LRRC7: variants seen among roughly 807,000 people sequenced by gnomAD.
The protein encoded by LRRC7 is leucine-rich repeat-containing protein 7.
LRRC7 carries 23 observed loss-of-function variants against 175.7 expected under a neutral mutation model. The ratio of observed to expected loss-of-function variants is 0.13; its 90% CI spans 0.09 to 0.19. The LOEUF (loss-of-function observed/expected upper bound fraction) is 0.19. Ranked by LOEUF, LRRC7 falls within the 10% of genes least tolerant of loss-of-function variation. The probability of loss-of-function intolerance (pLI) is 1.00; values close to 1 mark genes in which losing one functional copy is unlikely to be tolerated. For synonymous variants in LRRC7, 685 were observed against 680.9 expected (o/e 1.01, Z -0.09); for missense variants, 1,354 against 1,904.7 (o/e 0.71, Z 5.38).
chr1:69,796,724 G>T (rs1312712449), intron 4 of LRRC7, among the ~76,000 whole-genome samples: 1 of 151,992 alleles, frequency 6.6e-6, no homozygotes, highest in Non-Finnish European at 1.5e-5. Flanking sequence ...AACCTAGGAG[G>T]CGGAGGTTGC....
intron 7 of LRRC7, among the ~76,000 whole-genome samples, chr1:69,891,725 T>C (rs12029686): frequency 0.56 from 84,294 of 151,802 alleles, 23,460 homozygotes; most frequent in East Asian, 0.7. Context: ...GAGTAAGACT[T>C]TGTCTCAAAA....
At chr1:69,935,958 A>G (rs1376862574) in intron 8 of LRRC7, among the ~76,000 whole-genome samples, 1 of 152,090 alleles carries the variant, frequency 6.6e-6, no homozygotes, top group African/African-American at 2.4e-5. Flanking sequence ...TTTCATAATC[A>G]AATTCATTTC....
intron 1 of LRRC7, among the ~76,000 whole-genome samples, chr1:69,597,576 T>C (rs4650296): frequency 0.19 from 28,710 of 152,064 alleles, 3,004 homozygotes; most frequent in East Asian, 0.38. Flanking sequence ...CAGATGGAAT[T>C]TGAATCCTGG....
chr1:69,649,617 A>C (rs749393011), intron 1 of LRRC7, among the ~76,000 whole-genome samples: 6 of 152,302 alleles, frequency 3.9e-5, no homozygotes, highest in Middle Eastern at 6.8e-3. Flanking sequence ...CCCTCTAGGA[A>C]AGATGTCAAC....
At chr1:69,914,425 T>A (rs1646626696) in intron 7 of LRRC7, among the ~76,000 whole-genome samples, 1 of 152,178 alleles carries the variant, frequency 6.6e-6, no homozygotes, top group African/African-American at 2.4e-5. Context: ...AGCTTTGCAA[T>A]CGGATAAATG....
chr1:69,795,341 C>T (rs368748077), intron 4 of LRRC7, among the ~76,000 whole-genome samples: 19 of 150,356 alleles, frequency 1.3e-4, no homozygotes, highest in Admixed American at 1.1e-3. Flanking sequence ...CGCCACTGCA[C>T]TCTAGCCTGG....
At chr1:70,084,257 A>G (rs557131838) in intron 24 of LRRC7, among the ~76,000 whole-genome samples, 1 of 152,238 alleles carries the variant, frequency 6.6e-6, no homozygotes, top group East Asian at 1.9e-4. Context: ...TATCACTATA[A>G]TCTAACTTTA....
At chr1:69,858,977 C>T (rs1684045464) in intron 7 of LRRC7, among the ~76,000 whole-genome samples, 1 of 152,054 alleles carries the variant, frequency 6.6e-6, no homozygotes, top group South Asian at 2.1e-4. Flanking sequence ...AGCACAGCAC[C>T]TAAGTGCATA....
At chr1:69,646,057 G>A in intron 1 of LRRC7, among the ~76,000 whole-genome samples, 1 of 151,972 alleles carries the variant, frequency 6.6e-6, no homozygotes, top group South Asian at 2.1e-4. Context: ...TTATATGAAT[G>A]ATTAAAAAGA....
intron 23 of LRRC7, among the ~76,000 whole-genome samples, chr1:70,053,468 A>G: frequency 6.6e-6 from 1 of 152,196 alleles, no homozygotes; most frequent in East Asian, 1.9e-4. Flanking sequence ...TGGCTTTAAC[A>G]GTGTGTTGTA....
At chr1:69,722,285 C>T (rs2100783950) in intron 2 of LRRC7, among the ~76,000 whole-genome samples, 1 of 152,062 alleles carries the variant, frequency 6.6e-6, no homozygotes, top group African/African-American at 2.4e-5. Flanking sequence ...TTTGACAGCT[C>T]CTTACTGTCG....
At chr1:69,931,073 A>G (rs151040541) in intron 7 of LRRC7, among the ~76,000 whole-genome samples, 1 of 152,338 alleles carries the variant, frequency 6.6e-6, no homozygotes, top group African/African-American at 2.4e-5. Context: ...TGTCTGTAAC[A>G]GAAGTTCATT....
In LRRC7 at chr1:69,568,152, C is replaced by T. The variant is rs932521182; in HGVS notation, c.-488C>T. 6.6e-6 allele frequency among the ~76,000 whole-genome samples: 1 copy of T among 152,102 alleles called. No individual in the cohort carries two copies. Among genetic ancestry groups the T allele is most frequent in the Non-Finnish European group, 1.5e-5 (1 of 68,014 alleles). Reference sequence around the variant, plus strand: ...CCTGGGGATCCTCGCCCTGCACAGGCGCGGCAACGGGCAGGGGTTGTTACG... The same window carrying T: ...CCTGGGGATCCTCGCCCTGCACAGGTGCGGCAACGGGCAGGGGTTGTTACG... On this transcript the variant is annotated 5_prime_UTR_variant, in exon 1 of 27. Transcript: ENST00000651989.
intron 25 of LRRC7, among the ~76,000 whole-genome samples, chr1:70,093,783 C>G (rs980060365): frequency 6.6e-6 from 1 of 152,058 alleles, no homozygotes; most frequent in Non-Finnish European, 1.5e-5. Context: ...GCCAATGGAG[C>G]AAGCCACAAT....
chr1:69,622,463 C>A (rs972582954), intron 1 of LRRC7, among the ~76,000 whole-genome samples: 2 of 152,098 alleles, frequency 1.3e-5, no homozygotes, highest in Admixed American at 6.6e-5. Context: ...TATTTTGGCC[C>A]TACCATCTCT....
intron 7 of LRRC7, among the ~76,000 whole-genome samples, chr1:69,924,806 G>A (rs934344282): frequency 7.9e-5 from 12 of 152,142 alleles, no homozygotes; most frequent in African/African-American, 2.9e-4. Context: ...TCTCATGCCT[G>A]ATTGCCCTGG....
At chr1:69,988,170 C>CTA in intron 10 of LRRC7, among the ~76,000 whole-genome samples, 1 of 152,316 alleles carries the variant, frequency 6.6e-6, no homozygotes, top group Middle Eastern at 3.4e-3. Flanking sequence ...TATAAAAACT[C>CTA]TATATATTCA....
At chr1:69,919,345 T>TGAGGAGGAAAGATGGCGGAC in intron 7 of LRRC7, 1 of 597,354 alleles carries the variant, frequency 1.7e-6, no homozygotes, top group South Asian at 2.1e-5. Flanking sequence ...AACAAGAGCG[T>TGAGGAGGAAAGATGGCGGAC]GAGGAGGAAA....
intron 2 of LRRC7, among the ~76,000 whole-genome samples, chr1:69,714,785 T>G (rs1570468805): frequency 6.6e-6 from 1 of 152,176 alleles, no homozygotes; most frequent in Non-Finnish European, 1.5e-5. Flanking sequence ...TCTGATGTTT[T>G]TTTTAATTCT....
Sources: gnomAD v4.1 joint callset for allele counts (sites outside exome capture counted in the v4.1 genomes callset) on GRCh38, gnomAD v4.1.1 for gene constraint, MANE v1.5 for transcripts, NCBI Gene and HGNC (gene_info 2026-07-23, HGNC 2026-07-21) for gene names.